Variants in LGSN observed in about 807,000 individuals in gnomAD.
LGSN encodes lengsin, lens protein with glutamine synthetase domain.
In LGSN, 21 loss-of-function variants were observed where a neutral mutation model predicts 19.5. That is an observed-to-expected ratio of 1.07 (90% CI 0.76 to 1.55). LGSN has a LOEUF of 1.55. LGSN is among the 40% of genes most tolerant of loss of function. The probability of loss-of-function intolerance (pLI) is 0.00; values close to 1 mark genes in which losing one functional copy is unlikely to be tolerated. For missense variants in LGSN, 673 were observed against 608.5 expected, an observed-to-expected ratio of 1.11 and a Z score of -1.12; for synonymous variants, 257 against 215.6, an observed-to-expected ratio of 1.19 and a Z score of -1.68.
chr6:63,280,110 T>A lies in LGSN; in HGVS notation c.1441A>T (p.Ile481Phe). The change falls in exon 4 of 4, where the codon ATT (isoleucine) becomes TTT (phenylalanine). Residue 481 changes from isoleucine (I) to phenylalanine (F), a missense_variant. Transcript: ENST00000370657. ...CLRQALGETFIRYFVAMKKYE... is the reference protein window; with the variant it reads ...CLRQALGETFFRYFVAMKKYE... ...TTCTTCATGGCAACAAAATATCGAA[T>A]AAAGGTTTCTCCTAGAGCCTGTCTC... The A allele has an allele frequency of 6.2e-7, 1 of 1,614,170 alleles. No individual in the cohort carries two copies. Among genetic ancestry groups the A allele is most frequent in the Non-Finnish European group, 8.5e-7 (1 of 1,180,018 alleles).
In LGSN at chr6:63,291,116, C is replaced by T. The variant is rs200015125; in HGVS notation, c.163+3797G>A. Among the ~76,000 whole-genome samples the T allele has an allele frequency of 8.5e-5, 13 of 152,306 alleles. No homozygotes were observed. The East Asian group carries it at 2.5e-3, about 29-fold the overall frequency. ...GCAACAGGGACATGACTCATTTACT[C>T]GGCCACTGCACTCAAACCACTTATG... is the stretch of plus-strand genomic sequence containing the variant. On this transcript the variant is annotated intron_variant, in intron 2 of 3. Transcript: ENST00000370657.
the LGSN span, among the ~76,000 whole-genome samples, chr6:63,347,318 CA>C: frequency 3.3e-5 from 5 of 151,124 alleles, no homozygotes; most frequent in East Asian, 7.7e-4. Flanking sequence ...TTTTTTAAAA[CA>C]AAAAAAAGAA....
Position 63,293,929 on chromosome 6 carries a change from G to T in LGSN, c.163+984C>A, listed in dbSNP as rs747616370. 3 of 361,410 alleles carry T rather than the reference G, an allele frequency of 8.3e-6. No homozygotes were observed. The East Asian group carries it at 2.2e-4, about 27-fold the overall frequency. 22.4% of individuals were successfully genotyped at this position (361,410 alleles called of 1,614,324 possible). On this transcript the variant is annotated intron_variant, in intron 2 of 3. Coordinates refer to ENST00000370657, the MANE Select transcript of LGSN (RefSeq NM_016571.3). ...CTGTCTCTTAATATAATATGGAGAG[G>T]AATACTTGAGAAAATAGTATATTTC...
intron 2 of LGSN, 107 bp from the exon 3 acceptor site, chr6:63,285,860 T>C (rs1767515303): frequency 2.5e-6 from 2 of 802,202 alleles, no homozygotes; most frequent in South Asian, 1.8e-5. Context: ...AAAAACATTA[T>C]ATATTCATCA....
At chr6:63,401,726 T>C in the LGSN span, among the ~76,000 whole-genome samples, 5 of 152,176 alleles carry the variant, frequency 3.3e-5, no homozygotes, top group Non-Finnish European at 5.9e-5. Flanking sequence ...TGGCCTAATA[T>C]CTGGTTTAGC....
At chr6:63,388,012 C>G in the LGSN span, among the ~76,000 whole-genome samples, 7 of 152,078 alleles carry the variant, frequency 4.6e-5, no homozygotes, top group African/African-American at 1.7e-4. Context: ...ATAACAGGTG[C>G]CCACCATCAT....
chr6:63,425,724 C>A, the LGSN span, among the ~76,000 whole-genome samples: 1 of 151,930 alleles, frequency 6.6e-6, no homozygotes, highest in Admixed American at 6.6e-5. Context: ...GTAAACCCAG[C>A]ACTTTGGGAG....
At chr6:63,325,122 AAGG>A in the LGSN span, among the ~76,000 whole-genome samples, 4 of 151,208 alleles carry the variant, frequency 2.6e-5, no homozygotes, top group Admixed American at 6.6e-5. Context: ...AAAAAAAAAA[AAGG>A]AGAAAATTTT....
At chr6:63,471,140 T>TG in the LGSN span, among the ~76,000 whole-genome samples, 1 of 151,384 alleles carries the variant, frequency 6.6e-6, no homozygotes, top group Admixed American at 6.6e-5. Flanking sequence ...GGTTGTTTTT[T>TG]TTTGTTTGTT....
At chr6:63,496,997 GT>G in the LGSN span, among the ~76,000 whole-genome samples, 2 of 151,876 alleles carry the variant, frequency 1.3e-5, no homozygotes, top group African/African-American at 4.8e-5. Flanking sequence ...ATTGAAATAT[GT>G]TTTTATTTTT....
the LGSN span, among the ~76,000 whole-genome samples, chr6:63,418,952 C>T: frequency 1.3e-5 from 2 of 152,058 alleles, no homozygotes; most frequent in African/African-American, 4.8e-5. Flanking sequence ...CCCAGCCTAG[C>T]AGTAATGAAG....
the LGSN span, among the ~76,000 whole-genome samples, chr6:63,363,720 C>T: frequency 2.0e-5 from 3 of 152,166 alleles, no homozygotes; most frequent in Non-Finnish European, 2.9e-5. Flanking sequence ...AAATTTACAT[C>T]GGATTGGTGT....
the LGSN span, among the ~76,000 whole-genome samples, chr6:63,560,169 C>A: frequency 1.3e-5 from 2 of 151,814 alleles, no homozygotes; most frequent in African/African-American, 4.8e-5. Context: ...GAAACCCCGT[C>A]TCTACTAAAA....
chr6:63,386,330 C>A, the LGSN span, among the ~76,000 whole-genome samples: 1 of 152,154 alleles, frequency 6.6e-6, no homozygotes, highest in Non-Finnish European at 1.5e-5. Context: ...GCTACAAATA[C>A]ATTGACCTTG....
At chr6:63,437,456 C>T in the LGSN span, among the ~76,000 whole-genome samples, 1 of 152,114 alleles carries the variant, frequency 6.6e-6, no homozygotes, top group Non-Finnish European at 1.5e-5. Context: ...GAGTCTCACT[C>T]TCTCGCCCAG....
the LGSN span, among the ~76,000 whole-genome samples, chr6:63,534,621 A>T: frequency 6.0e-5 from 9 of 149,422 alleles, no homozygotes; most frequent in Admixed American, 1.3e-4. Context: ...TAGCCCAGGC[A>T]ACGTAGCAAG....
chr6:63,293,023 G>A (rs968705690), intron 2 of LGSN, among the ~76,000 whole-genome samples: 1 of 152,028 alleles, frequency 6.6e-6, no homozygotes, highest in Non-Finnish European at 1.5e-5. Flanking sequence ...AGTGGGGTAG[G>A]GGGGTAAGGT....
chr6:63,336,211 AT>A, the LGSN span, among the ~76,000 whole-genome samples: 1 of 152,158 alleles, frequency 6.6e-6, no homozygotes, highest in Non-Finnish European at 1.5e-5. Context: ...AATGTTTTGT[AT>A]TTTTTTAAAG....
At chr6:63,448,526 C>T in the LGSN span, among the ~76,000 whole-genome samples, 1 of 151,872 alleles carries the variant, frequency 6.6e-6, no homozygotes, top group Non-Finnish European at 1.5e-5. Flanking sequence ...CTGCCCCTCC[C>T]TGTCTCTGGA....
Sources: allele counts gnomAD v4.1 joint callset (sites outside exome capture counted in the v4.1 genomes callset), GRCh38; gene constraint gnomAD v4.1.1; transcripts MANE v1.5; gene names NCBI Gene and HGNC (gene_info 2026-07-23, HGNC 2026-07-21).